The following ZFYVE9 variants were observed in gnomAD, a reference collection of about 807,000 sequenced individuals.
ZFYVE9 encodes zinc finger FYVE domain-containing protein 9.
ZFYVE9 carries 43 observed loss-of-function variants against 126.7 expected under a neutral mutation model. That is an observed-to-expected ratio of 0.34 (90% confidence interval 0.27 to 0.44). The LOEUF is 0.44. ZFYVE9 is among the 20% of genes least tolerant of loss of function. ZFYVE9 has a pLI of 1.00. For synonymous variants in ZFYVE9, 521 were observed against 597.4 expected, an observed-to-expected ratio of 0.87 and a Z score of 1.87; for missense variants, 1,476 against 1,697.0, an observed-to-expected ratio of 0.87 and a Z score of 2.29.
intron 7 of ZFYVE9, 145 bp downstream of exon 7, chr1:52,268,777 G>C (rs1645659309): frequency 7.1e-6 from 7 of 986,706 alleles, no homozygotes; most frequent in Non-Finnish European, 9.8e-6. Flanking sequence ...AAGTAAATGT[G>C]GCAAAAATCA....
intron 4 of ZFYVE9, among the ~76,000 whole-genome samples, chr1:52,256,714 G>GT (rs1276601295): frequency 7.4e-6 from 1 of 135,356 alleles, no homozygotes; most frequent in Non-Finnish European, 1.6e-5. Context: ...TAACAGTGAA[G>GT]TTTAAACAGG....
intron 1 of ZFYVE9, among the ~76,000 whole-genome samples, chr1:52,186,881 A>T (rs936602446): frequency 2.6e-5 from 4 of 152,242 alleles, no homozygotes; most frequent in Non-Finnish European, 4.4e-5. Context: ...TATCATTAAA[A>T]TGGCCATACT....
chr1:52,175,143 T>A (rs1248132410), intron 1 of ZFYVE9, among the ~76,000 whole-genome samples: 3 of 152,060 alleles, frequency 2.0e-5, no homozygotes, highest in Non-Finnish European at 4.4e-5. Flanking sequence ...CGGCTGGTAC[T>A]GGTTGTTCCT....
intron 2 of ZFYVE9, among the ~76,000 whole-genome samples, chr1:52,229,285 G>A (rs905307365): frequency 6.6e-6 from 1 of 152,178 alleles, no homozygotes; most frequent in Non-Finnish European, 1.5e-5. Flanking sequence ...CTGTATAGGT[G>A]ATGTTTTATA....
chr1:52,224,666 C>T (rs1259420214), intron 2 of ZFYVE9, among the ~76,000 whole-genome samples: 6 of 152,134 alleles, frequency 3.9e-5, no homozygotes, highest in South Asian at 4.1e-4. Flanking sequence ...CTTTATCATA[C>T]GCTGTCTTTT....
At chr1:52,299,825 C>T (rs564244183) in intron 12 of ZFYVE9, among the ~76,000 whole-genome samples, 117 of 152,270 alleles carry the variant, frequency 7.7e-4, no homozygotes, top group Non-Finnish European at 1.1e-3. Flanking sequence ...AGCAGTGGGT[C>T]CAGTTTCAAG....
At chr1:52,149,460 A>C (rs1172092663) in intron 1 of ZFYVE9, among the ~76,000 whole-genome samples, 2 of 152,172 alleles carry the variant, frequency 1.3e-5, no homozygotes, top group Non-Finnish European at 2.9e-5. Context: ...AACTCTACTG[A>C]AACATTTCTA....
At chr1:52,317,043 G>A (rs1646192209) in intron 13 of ZFYVE9, among the ~76,000 whole-genome samples, 1 of 152,046 alleles carries the variant, frequency 6.6e-6, no homozygotes, top group Non-Finnish European at 1.5e-5. Flanking sequence ...AAGATCTCTA[G>A]AAAATTCCCA....
chr1:52,267,868 T>C (rs1372011644), intron 6 of ZFYVE9, among the ~76,000 whole-genome samples: 1 of 152,218 alleles, frequency 6.6e-6, no homozygotes, highest in Non-Finnish European at 1.5e-5. Context: ...AAAACACAAA[T>C]TACTTTTGCA....
chr1:52,170,228 T>C (rs1453909282), intron 1 of ZFYVE9, among the ~76,000 whole-genome samples: 1 of 152,198 alleles, frequency 6.6e-6, no homozygotes, highest in Non-Finnish European at 1.5e-5. Flanking sequence ...ACGATACTTA[T>C]TGACCCATTT....
chr1:52,220,436 A>G (rs917247199), intron 2 of ZFYVE9, among the ~76,000 whole-genome samples: 3 of 152,186 alleles, frequency 2.0e-5, no homozygotes, highest in African/African-American at 7.2e-5. Context: ...ATGGTCTACT[A>G]TGACTAGTAA....
rs552213191 is a variant in ZFYVE9, at chr1:52,232,728, CAAA to C, written c.-36-419_-36-417del. ...AGGCAACAAGAGTGAGACTCTGTCTCAAAAAAAAAAAAAAAAAAAAAAAAAAGG... is the reference window on the plus strand; with the variant it reads ...AGGCAACAAGAGTGAGACTCTGTCTCAAAAAAAAAAAAAAAAAAAAAAAGG... On this transcript the variant is annotated intron_variant, in intron 2 of 18. Transcript: ENST00000287727. 3.7e-3 allele frequency among the ~76,000 whole-genome samples: 100 copies of C among 27,342 alleles called. 1 individual carries two copies. Among genetic ancestry groups the C allele is most frequent in the African/African-American group, 9.5e-3 (93 of 9,748 alleles). The allele number at this position is 27,342 out of a possible 152,430, so 17.9% of individuals were successfully genotyped here. A position where few individuals can be genotyped will look rare whatever the true frequency, so the allele number is the denominator to read the frequency against.
chr1:52,238,556 C>T lies in ZFYVE9; in HGVS notation c.1139C>T (p.Thr380Ile). ...DENEGYEHEETLGTTEFLNMT... is the reference protein window; with the variant it reads ...DENEGYEHEEILGTTEFLNMT... ...AATGAAGGTTATGAACATGAAGAAA[C>T]TCTTGGCACTACAGAATTCCTTAAT... The change falls in exon 4 of 19, where the codon ACT (threonine) becomes ATT (isoleucine). Residue 380 changes from threonine (T) to isoleucine (I), a missense_variant. Physicochemically the swap from Thr to Ile is moderately conservative, Grantham distance 89 (BLOSUM62 -1). Transcript: ENST00000287727. 6.2e-7 allele frequency: 1 copy of T among 1,614,052 alleles called. No individual in the cohort carries two copies. The highest frequency in any genetic ancestry group is 2.2e-5 in the East Asian group (1 of 44,884).
chr1:52,210,843 C>T (rs902342508), intron 1 of ZFYVE9, among the ~76,000 whole-genome samples: 11 of 152,092 alleles, frequency 7.2e-5, no homozygotes, highest in Non-Finnish European at 1.2e-4. Flanking sequence ...TTAGTAGAGA[C>T]GGGGTTTCGC....
At chr1:52,298,662 T>G (rs575800196) in intron 12 of ZFYVE9, among the ~76,000 whole-genome samples, 7 of 151,138 alleles carry the variant, frequency 4.6e-5, no homozygotes, top group Admixed American at 2.0e-4. Flanking sequence ...AAGGTTTTGG[T>G]TTTTTTTTCT....
chr1:52,248,231 C>A (rs1645410320), intron 4 of ZFYVE9, among the ~76,000 whole-genome samples: 1 of 152,090 alleles, frequency 6.6e-6, no homozygotes, highest in Admixed American at 6.6e-5. Context: ...GCCTGAGAGA[C>A]CCCCAGAAGG....
intron 15 of ZFYVE9, among the ~76,000 whole-genome samples, chr1:52,336,661 ATT>A (rs66822425): frequency 0.9 from 137,374 of 151,976 alleles, 62,326 homozygotes; most frequent in Middle Eastern, 0.95. Flanking sequence ...ACCCAGCTTA[ATT>A]AATCTAGGAG....
In ZFYVE9 at chr1:52,142,505, G is replaced by A. The variant is rs1644268161; in HGVS notation, c.-143+102G>A. The A allele has an allele frequency of 6.6e-6, 1 of 152,092 alleles. No homozygotes were observed. The highest frequency in any genetic ancestry group is 6.5e-5 in the Admixed American group (1 of 15,272). 9.4% of individuals were successfully genotyped at this position (152,092 alleles called of 1,614,324 possible). A position where few individuals can be genotyped will look rare whatever the true frequency, so the allele number is the denominator to read the frequency against. ...CGGGCGGACGGGGCGTCCTGCCACT[G>A]CGGTCGCCTCCCCCACCCTGCGGTC... On this transcript the variant is annotated intron_variant, in intron 1 of 18. Transcript: ENST00000287727. The surrounding 1 kb of genome is among the most constrained non-coding windows in gnomAD (Gnocchi z 4.5).
At chr1:52,274,616 T>C (rs1557494866) in intron 8 of ZFYVE9, 32 bp downstream of exon 8, 1 of 1,557,612 alleles carries the variant, frequency 6.4e-7, no homozygotes, top group Admixed American at 1.7e-5. Flanking sequence ...ACAGTGATAG[T>C]TCTATCTGCC....
Sources: allele counts gnomAD v4.1 joint callset (sites outside exome capture counted in the v4.1 genomes callset), GRCh38; gene constraint gnomAD v4.1.1; non-coding constraint Gnocchi (gnomAD v3.1); transcripts MANE v1.5; gene names NCBI Gene and HGNC (gene_info 2026-07-23, HGNC 2026-07-21).